The following CROCC2 variants were observed in gnomAD, a reference collection of about 807,000 sequenced individuals.
CROCC2 encodes ciliary rootlet coiled-coil protein 2.
In CROCC2, 163 loss-of-function variants were observed where a neutral mutation model predicts 177.6. The observed-to-expected ratio is 0.92, with a 90% CI of 0.81 to 1.05. CROCC2 has a LOEUF of 1.05. Among genes scored for constraint, CROCC2 ranks in the 50% least tolerant of loss-of-function variants. The pLI, the probability that CROCC2 is intolerant of heterozygous loss-of-function variation, is 0.00. For missense variants in CROCC2, 1,929 were observed against 1,797.8 expected, an observed-to-expected ratio of 1.07 and a Z score of -1.32; for synonymous variants, 904 against 787.3, an observed-to-expected ratio of 1.15 and a Z score of -2.48.
In CROCC2 at chr2:240,965,468, C is replaced by A; in HGVS notation, c.3553C>A (p.Arg1185=). The A allele has an allele frequency of 6.5e-7, 1 of 1,549,960 alleles. No homozygotes were observed. ...GTGCTCGCAGGAGGTGCTGGAGCTG[C>A]GGAGGCAGGCAGCCAAGGCAGAGGC... ...AQCSQEVLEL[R]RQAAKAEAKH... Residue 1185 remains arginine, a synonymous_variant, in exon 23 of 32, where the codon CGG becomes AGG. Coordinates refer to ENST00000690015, the MANE Select transcript of CROCC2 (RefSeq NM_001351305.2).
In CROCC2 at chr2:240,953,420, C is replaced by CAA. The variant is rs5839784; in HGVS notation, c.2830-2429_2830-2428dup. Among the ~76,000 whole-genome samples the CAA allele has an allele frequency of 1.0e-3, 147 of 146,434 alleles. No individual in the cohort carries two copies. The highest frequency in any genetic ancestry group is 3.5e-3 in the Middle Eastern group (1 of 284). ...TGGGTGACAGAGTGAGACTCTGTCT[C>CAA]AAAAAAAAAAACAGGAGCACAGGCT... is the stretch of plus-strand genomic sequence containing the variant. On this transcript the variant is annotated intron_variant, in intron 18 of 31. Coordinates refer to ENST00000690015, the MANE Select transcript of CROCC2 (RefSeq NM_001351305.2). The surrounding 1 kb of genome is among the most constrained non-coding windows in gnomAD (Gnocchi z 4.0).
intron 4 of CROCC2, 64 bp downstream of exon 4, chr2:240,922,709 G>A: frequency 1.9e-6 from 1 of 521,536 alleles, no homozygotes; most frequent in South Asian, 2.4e-5. Flanking sequence ...AGAGGCAGTG[G>A]GACCCTCTGT....
chr2:240,955,915 C>T lies in CROCC2; in HGVS notation c.2886C>T (p.Ala962=), dbSNP rs974866880. 2.0e-6 allele frequency: 3 copies of T among 1,534,814 alleles called. No homozygotes were observed. Among genetic ancestry groups the T allele is most frequent in the Non-Finnish European group, 1.7e-6 (2 of 1,146,916 alleles). Residue 962 remains alanine (A), a synonymous_variant, in exon 19 of 32, where the codon GCC becomes GCT. Transcript: ENST00000690015. Reference sequence around the variant, plus strand: ...TTCTGAGTGAGGAGCTCTCCAGGGCCAGGAGGACGCTAGAGCGGGTACAGC... The same window carrying T: ...TTCTGAGTGAGGAGCTCTCCAGGGCTAGGAGGACGCTAGAGCGGGTACAGC... The part of the protein sequence containing the change: ...RSLLSEELSR[A]RRTLERVQQE...
At chr2:240,924,370 A>G (rs1443801296) in intron 4 of CROCC2, among the ~76,000 whole-genome samples, 2 of 3,674 alleles carry the variant, frequency 5.4e-4, no homozygotes. Flanking sequence ...CCCCCACACT[A>G]ACCCGGTCCC....
chr2:240,974,265 A>G (rs1295109003), intron 27 of CROCC2, among the ~76,000 whole-genome samples: 3 of 151,668 alleles, frequency 2.0e-5, no homozygotes, highest in African/African-American at 7.3e-5. Flanking sequence ...CAAAGAATCA[A>G]TGTATCTCTT....
chr2:240,932,873 C>A lies in CROCC2; in HGVS notation c.1216C>A (p.Arg406=). Residue 406 remains arginine (R), a synonymous_variant, in exon 9 of 32, where the codon CGG becomes AGG. Coordinates refer to ENST00000690015, the MANE Select transcript of CROCC2 (RefSeq NM_001351305.2). ...ATLDPALQAM[R]AAIERRWRRE... ...CCTGGACCCCGCACTGCAGGCCATG[C>A]GGGCAGCCATAGAGAGGCGGTGGCG... 6.5e-7 allele frequency: 1 copy of A among 1,546,602 alleles called. No individual in the cohort carries two copies. The highest frequency in any genetic ancestry group is 8.7e-7 in the Non-Finnish European group (1 of 1,145,678).
At chr2:240,934,856 G>A (rs1006276934) in intron 12 of CROCC2, 60 bp from the exon 13 acceptor site, 40 of 1,423,050 alleles carry the variant, frequency 2.8e-5, no homozygotes, top group Admixed American at 1.5e-4. Context: ...CTTTCCCAGC[G>A]GCAACAGCCC....
intron 20 of CROCC2, among the ~76,000 whole-genome samples, chr2:240,961,661 G>T (rs188527867): frequency 9.2e-6 from 1 of 108,242 alleles, no homozygotes; most frequent in Admixed American, 1.1e-4. Context: ...TCACACACAC[G>T]TACACACACA....
At chr2:240,911,826 T>G (rs1446517439) in intron 1 of CROCC2, among the ~76,000 whole-genome samples, 4 of 152,192 alleles carry the variant, frequency 2.6e-5, no homozygotes, top group African/African-American at 9.7e-5. Flanking sequence ...CAGCATTTCC[T>G]TGCTTTTTAA....
chr2:240,922,618 T>G lies in CROCC2; in HGVS notation c.461T>G (p.Leu154Arg). ...CACAGCGTGGATCTGGAGGAGGCCC[T>G]TGGCCGTCTGGAGGCTGCCGAGGAG... ...LEHSVDLEEA[L>R]GRLEAAEERS... The change falls in exon 4 of 32, where the codon CTT becomes CGT. Residue 154 changes from leucine to arginine, a missense_variant. Physicochemically the swap from Leu to Arg is moderately radical, Grantham distance 102 (BLOSUM62 -2). Around this residue, in one of 3 missense-constraint regions of CROCC2, gnomAD observed 1,397 missense variants for 1,239.9 expected, o/e 1.13. Transcript: ENST00000690015. The G allele has an allele frequency of 1.5e-6, 1 of 670,812 alleles. No homozygotes were observed. The highest frequency in any genetic ancestry group is 2.8e-6 in the Non-Finnish European group (1 of 358,870). 41.6% of individuals were successfully genotyped at this position (670,812 alleles called of 1,614,324 possible).
At chr2:240,922,446 C>A in intron 3 of CROCC2, 93 bp from the exon 4 acceptor site, 1 of 600,170 alleles carries the variant, frequency 1.7e-6, no homozygotes, top group South Asian at 1.8e-5. Flanking sequence ...CCCTCTCTTC[C>A]CCACTAAGGT....
intron 14 of CROCC2, among the ~76,000 whole-genome samples, chr2:240,945,783 C>A (rs1003717079): frequency 6.6e-6 from 1 of 151,964 alleles, no homozygotes; most frequent in African/African-American, 2.4e-5. Flanking sequence ...CACTGGAGGA[C>A]CAACAAATGG....
At chr2:240,963,809 T>G in intron 21 of CROCC2, 36 bp downstream of exon 21, 4 of 1,536,886 alleles carry the variant, frequency 2.6e-6, no homozygotes, top group Non-Finnish European at 3.5e-6. Context: ...GGGGGTGCCC[T>G]GCAGCCTGCT....
chr2:240,965,416 T>G lies in CROCC2; in HGVS notation c.3501T>G (p.Ser1167Arg), dbSNP rs1265597963. The change falls in exon 23 of 32, where the codon AGT (serine) becomes AGG (arginine). Residue 1167 changes from serine (S) to arginine (R), a missense_variant. Around this residue, in one of 3 missense-constraint regions of CROCC2, gnomAD observed 1,397 missense variants for 1,239.9 expected, o/e 1.13. Coordinates refer to ENST00000690015, the MANE Select transcript of CROCC2 (RefSeq NM_001351305.2). Reference sequence around the variant, plus strand: ...TGAAGGCCGAGAACCAGAGGAGGAGTGGAGAGGCCCATGAGCTGCAGGCGC... The same window carrying G: ...TGAAGGCCGAGAACCAGAGGAGGAGGGGAGAGGCCCATGAGCTGCAGGCGC... Reference protein sequence around the residue: ...RTLKAENQRRSGEAHELQAQC... With the variant: ...RTLKAENQRRRGEAHELQAQC... 2 of 1,548,446 alleles carry G rather than the reference T, an allele frequency of 1.3e-6. No homozygotes were observed. The highest frequency in any genetic ancestry group is 2.4e-5 in the South Asian group (2 of 83,962).
In CROCC2 at chr2:240,949,507, G is replaced by C; in HGVS notation, c.2483-26G>C. 1 of 1,547,802 alleles carries C rather than the reference G, an allele frequency of 6.5e-7. No individual in the cohort carries two copies. Among genetic ancestry groups the C allele is most frequent in the Non-Finnish European group, 8.7e-7 (1 of 1,144,696 alleles). ...TTCAGGGGTCCACATGCCAGGCCCT[G>C]GTGCATCTCACCCATCACCCCACAG... On this transcript the variant is annotated intron_variant, in intron 16 of 31. Coordinates refer to ENST00000690015, the MANE Select transcript of CROCC2 (RefSeq NM_001351305.2). The surrounding 1 kb of genome is among the most constrained non-coding windows in gnomAD (Gnocchi z 4.5).
intron 1 of CROCC2, among the ~76,000 whole-genome samples, chr2:240,912,651 T>C (rs771074483): frequency 2.6e-5 from 4 of 152,228 alleles, no homozygotes; most frequent in Non-Finnish European, 5.9e-5. Context: ...AGGGTTTTTA[T>C]GGAACCTTCA....
intron 1 of CROCC2, among the ~76,000 whole-genome samples, chr2:240,911,495 G>A (rs919547490): frequency 6.6e-6 from 1 of 151,936 alleles, no homozygotes; most frequent in Admixed American, 6.6e-5. Context: ...ACGAGGTTTC[G>A]CCACGGTAGC....
chr2:240,932,053 C>T (rs2059434852), intron 7 of CROCC2, among the ~76,000 whole-genome samples: 1 of 152,388 alleles, frequency 6.6e-6, no homozygotes, highest in East Asian at 1.9e-4. Flanking sequence ...AAGGACAAGG[C>T]AGAGCCTCGG....
rs536550837 is a variant in CROCC2 at position 240,965,754 on chromosome 2, T to G, written c.3722T>G (p.Leu1241Arg). 2.6e-6 allele frequency: 4 copies of G among 1,521,662 alleles called. No individual in the cohort carries two copies. In the African/African-American group the frequency reaches 5.5e-5, roughly 21 times the overall value. The allele number at this position is 1,521,662 out of a possible 1,614,324, so 94.3% of individuals were successfully genotyped here. A position where few individuals can be genotyped will look rare whatever the true frequency, so the allele number is the denominator to read the frequency against. Residue 1241 changes from leucine (L) to arginine (R), a missense_variant, in exon 24 of 32, where the codon CTG (leucine) becomes CGG (arginine). This residue lies in a region of CROCC2 where 144 missense variants were observed against 205.2 expected (regional missense o/e 0.70). Coordinates refer to ENST00000690015, the MANE Select transcript of CROCC2 (RefSeq NM_001351305.2). ...GCTGAGCAGACCCTCCGAGCAGAGC[T>G]GCACAGTGTCACCAGGAAGCTGCAG... ...RGAEQTLRAELHSVTRKLQEA... is the reference protein window; with the variant it reads ...RGAEQTLRAERHSVTRKLQEA...
Sources: allele counts gnomAD v4.1 joint callset (sites outside exome capture counted in the v4.1 genomes callset), GRCh38; gene constraint gnomAD v4.1.1; regional missense constraint gnomAD v4.1.1; non-coding constraint Gnocchi (gnomAD v3.1); transcripts MANE v1.5; gene names NCBI Gene and HGNC (gene_info 2026-07-23, HGNC 2026-07-21).